The following LAMB4 variants were observed in gnomAD, a reference collection of about 807,000 sequenced individuals.
The protein encoded by LAMB4 is laminin subunit beta 4.
Under a neutral mutation model 199.2 loss-of-function variants are expected in LAMB4, and 196 were observed. The ratio of observed to expected loss-of-function variants is 0.98; its 90% confidence interval spans 0.88 to 1.11. The LOEUF (loss-of-function observed/expected upper bound fraction) is 1.11, where lower values mean the gene tolerates loss of function less well. Among genes scored for constraint, LAMB4 ranks in the 50% least tolerant of loss-of-function variants. The pLI is 0.00. For synonymous variants in LAMB4, 744 were observed against 770.6 expected (o/e 0.97, Z 0.57); for missense variants, 2,080 against 2,171.2 (o/e 0.96, Z 0.83).
At chr7:108,129,173 G>T (rs2038895296) in intron 1 of LAMB4, among the ~76,000 whole-genome samples, 1 of 152,214 alleles carries the variant, frequency 6.6e-6, no homozygotes, top group South Asian at 2.1e-4. Flanking sequence ...AACAGATGAA[G>T]AGAAAAGGGC....
intron 13 of LAMB4, 47 bp downstream of exon 13, chr7:108,092,289 CT>C: frequency 6.9e-7 from 1 of 1,445,996 alleles, no homozygotes; most frequent in Non-Finnish European, 9.7e-7. Context: ...ATAAAATGTG[CT>C]TTTATGTTTA....
intron 14 of LAMB4, among the ~76,000 whole-genome samples, chr7:108,086,797 C>A (rs1452063997): frequency 6.6e-6 from 1 of 152,164 alleles, no homozygotes; most frequent in Admixed American, 6.5e-5. Context: ...ATTAGAATCA[C>A]CTTGGGGCAC....
intron 11 of LAMB4, among the ~76,000 whole-genome samples, chr7:108,096,576 T>A (rs1038687375): frequency 6.6e-6 from 1 of 152,020 alleles, no homozygotes; most frequent in Admixed American, 6.6e-5. Context: ...CAACTTCCAA[T>A]ATACTAAAAA....
At chr7:108,120,248 G>A (rs942753665) in intron 2 of LAMB4, among the ~76,000 whole-genome samples, 5 of 151,584 alleles carry the variant, frequency 3.3e-5, no homozygotes, top group Non-Finnish European at 5.9e-5. Flanking sequence ...TCTTTCCTTC[G>A]ATTTGACCTC....
chr7:108,104,708 TG>T (rs2150652288), intron 8 of LAMB4, 89 bp from the exon 9 acceptor site: 1 of 1,466,226 alleles, frequency 6.8e-7, no homozygotes, highest in Non-Finnish European at 9.3e-7. Flanking sequence ...TACCAGGTCC[TG>T]GTACCTCTCT....
Position 108,062,895 on chromosome 7 carries a change from G to C in LAMB4, c.3161C>G (p.Pro1054Arg), listed in dbSNP as rs757343921. 6.2e-7 allele frequency: 1 copy of C among 1,608,388 alleles called. No homozygotes were observed. Among genetic ancestry groups the C allele is most frequent in the Non-Finnish European group, 8.5e-7 (1 of 1,177,812 alleles). The change falls in exon 23 of 34, where the codon CCG becomes CGG. Residue 1054 changes from proline (P) to arginine (R), a missense_variant. Transcript: ENST00000388781. ...DPVTGACPCL[P>R]NVTGLACDRC... ...GTCACAGGCCAGGCCTGTGACATTC[G>C]GCAGACAAGGACATGCACCAGTGAC...
intron 17 of LAMB4, among the ~76,000 whole-genome samples, chr7:108,072,003 G>A (rs1162304627): frequency 6.6e-6 from 1 of 151,996 alleles, no homozygotes; most frequent in African/African-American, 2.4e-5. Flanking sequence ...CTCAATATGG[G>A]AGGTACTGCC....
At chr7:108,018,662 G>A (rs781531105), downstream of LAMB4, among the ~76,000 whole-genome samples, 56 of 152,074 alleles carry the variant, frequency 3.7e-4, no homozygotes, top group African/African-American at 9.9e-4. Flanking sequence ...CTGAGATCGC[G>A]CCACTGCACT....
At chr7:108,028,211 T>A (rs2034904753) in intron 33 of LAMB4, among the ~76,000 whole-genome samples, 1 of 152,196 alleles carries the variant, frequency 6.6e-6, no homozygotes, top group African/African-American at 2.4e-5. Context: ...TGCCCTAGAT[T>A]ATATTGATTC....
downstream of LAMB4, among the ~76,000 whole-genome samples, chr7:108,019,601 T>C (rs1166228240): frequency 6.6e-6 from 1 of 152,044 alleles, no homozygotes; most frequent in East Asian, 1.9e-4. Flanking sequence ...GCACACAACA[T>C]TGACACTCAT....
intron 15 of LAMB4, among the ~76,000 whole-genome samples, chr7:108,078,740 T>G (rs2036807212): frequency 1.3e-5 from 2 of 152,228 alleles, no homozygotes; most frequent in African/African-American, 4.8e-5. Flanking sequence ...GAAAAGCTTT[T>G]TAAAGGTGTC....
chr7:108,092,652 TC>T, intron 12 of LAMB4, among the ~76,000 whole-genome samples: 1 of 152,250 alleles, frequency 6.6e-6, no homozygotes, highest in Non-Finnish European at 1.5e-5. Context: ...CTGCCTGTAA[TC>T]CCAGCATTTT....
intron 6 of LAMB4, 81 bp from the exon 7 acceptor site, chr7:108,106,653 C>T (rs1367927095): frequency 1.5e-5 from 12 of 790,870 alleles, no homozygotes; most frequent in Admixed American, 5.2e-5. Flanking sequence ...TTTTTCAAAC[C>T]TCCCAGGCCC....
At chr7:108,025,115 A>C (rs2034786040) in intron 33 of LAMB4, among the ~76,000 whole-genome samples, 1 of 152,194 alleles carries the variant, frequency 6.6e-6, no homozygotes, top group African/African-American at 2.4e-5. Context: ...CATTGAATTA[A>C]CTGGTGATGT....
intron 4 of LAMB4, among the ~76,000 whole-genome samples, chr7:108,111,524 A>G (rs941616887): frequency 2.6e-5 from 4 of 152,118 alleles, no homozygotes; most frequent in African/African-American, 9.7e-5. Flanking sequence ...TCTTATTATT[A>G]TTTTTTTACA....
Position 108,121,750 on chromosome 7 carries a change from TA to T in LAMB4, c.34+1380del, listed in dbSNP as rs36039113. Among the ~76,000 whole-genome samples the T allele has an allele frequency of 6.7e-3, 923 of 138,020 alleles. 3 individuals are homozygous for T. Among genetic ancestry groups the T allele is most frequent in the South Asian group, 0.027 (117 of 4,302 alleles). The allele number at this position is 138,020 out of a possible 152,430, so 90.5% of individuals were successfully genotyped here. A position where few individuals can be genotyped will look rare whatever the true frequency, so the allele number is the denominator to read the frequency against. ...GGGCGACAAGAATGAAACTCTGTCT[TA>T]AAAAAAAAAAAAAAAGAACGCATGT... is the stretch of plus-strand genomic sequence containing the variant. On this transcript the variant is annotated intron_variant, in intron 2 of 33. Transcript: ENST00000388781.
At chr7:108,062,017 T>G (rs1316697587) in intron 23 of LAMB4, among the ~76,000 whole-genome samples, 1 of 152,210 alleles carries the variant, frequency 6.6e-6, no homozygotes, top group African/African-American at 2.4e-5. Context: ...TTCTTGTCAT[T>G]GTTTTTACCC....
At chr7:108,013,427 C>A in the LAMB4 span, among the ~76,000 whole-genome samples, 6 of 152,022 alleles carry the variant, frequency 3.9e-5, no homozygotes, top group Non-Finnish European at 8.8e-5. Flanking sequence ...GAAAAGTGGG[C>A]GGTTTGCTAT....
In LAMB4 at chr7:108,042,933, ATC is replaced by A. The variant is rs1247864739; in HGVS notation, c.4471+817_4471+818del. Among the ~76,000 whole-genome samples, 4 of 99,986 alleles carry A rather than the reference ATC, an allele frequency of 4.0e-5. No individual in the cohort carries two copies. The East Asian group carries it at 7.3e-4, about 18-fold the overall frequency. 65.6% of individuals were successfully genotyped at this position (99,986 alleles called of 152,430 possible). A position where few individuals can be genotyped will look rare whatever the true frequency, so the allele number is the denominator to read the frequency against. ...TCACATTAATCATCTCTCTCTCTCAATCTCTGTGTGTGTGTGTGTGTGTGTGT... is the reference window on the plus strand; with the variant it reads ...TCACATTAATCATCTCTCTCTCTCAATCTGTGTGTGTGTGTGTGTGTGTGT... On this transcript the variant is annotated intron_variant, in intron 29 of 33. Transcript: ENST00000388781.
Sources: allele counts gnomAD v4.1 joint callset (sites outside exome capture counted in the v4.1 genomes callset), GRCh38; gene constraint gnomAD v4.1.1; transcripts MANE v1.5; gene names NCBI Gene and HGNC (gene_info 2026-07-23, HGNC 2026-07-21).